Variants in SIK3 observed in about 807,000 individuals in gnomAD.
The protein encoded by SIK3 is SIK family kinase 3.
SIK3 carries 28 observed loss-of-function variants against 144.2 expected under a neutral mutation model. The observed-to-expected ratio is 0.19, with a 90% confidence interval of 0.14 to 0.27. SIK3 has a LOEUF of 0.27. Among genes scored for constraint, SIK3 ranks in the 10% least tolerant of loss-of-function variants. The pLI is 1.00. For missense variants in SIK3, 1,319 were observed against 1,776.0 expected (o/e 0.74, Z 4.62); for synonymous variants, 686 against 676.3 (o/e 1.01, Z -0.22).
intron 1 of SIK3, among the ~76,000 whole-genome samples, chr11:116,977,484 G>A (rs1035946806): frequency 1.3e-5 from 2 of 152,118 alleles, no homozygotes; most frequent in Admixed American, 6.5e-5. Flanking sequence ...AAAAGACGAA[G>A]AAATCTAGGG....
rs2135438395 is a variant in SIK3 at position 116,965,737 on chromosome 11, ATATATAT to A, written c.274-8680_274-8674del. On this transcript the variant is annotated intron_variant, in intron 1 of 24. Transcript: ENST00000445177. ...GGTGAAAACCCGTCTCTGCTAAAATATATATATATATATATATATATATATATATATA... is the reference window on the plus strand; with the variant it reads ...GGTGAAAACCCGTCTCTGCTAAAATAATATATATATATATATATATATATA... Among the ~76,000 whole-genome samples the A allele has an allele frequency of 3.1e-3, 8 of 2,568 alleles. No individual in the cohort carries two copies. In the South Asian group the frequency reaches 0.078, roughly 25 times the overall value. The allele number at this position is 2,568 out of a possible 152,430, so 1.7% of individuals were successfully genotyped here. A position where few individuals can be genotyped will look rare whatever the true frequency, so the allele number is the denominator to read the frequency against.
intron 6 of SIK3, 56 bp downstream of exon 6, chr11:116,896,197 G>C: frequency 6.3e-7 from 1 of 1,596,612 alleles, no homozygotes; most frequent in Non-Finnish European, 8.6e-7. Context: ...TGGGATAACT[G>C]AGTGGGTCTA....
intron 1 of SIK3, among the ~76,000 whole-genome samples, chr11:116,972,721 T>A (rs1320194537): frequency 2.0e-5 from 3 of 151,780 alleles, no homozygotes; most frequent in Non-Finnish European, 1.5e-5. Flanking sequence ...CAAAAAAAAT[T>A]AAAAATAAAA....
intron 1 of SIK3, among the ~76,000 whole-genome samples, chr11:116,975,316 C>T (rs1399416813): frequency 2.6e-5 from 4 of 151,460 alleles, no homozygotes; most frequent in South Asian, 2.1e-4. Flanking sequence ...ATTTTTGTTC[C>T]GACTGAAAAA....
intron 1 of SIK3, among the ~76,000 whole-genome samples, chr11:117,089,535 A>G (rs777438249): frequency 1.3e-5 from 2 of 152,046 alleles, no homozygotes; most frequent in Non-Finnish European, 2.9e-5. Flanking sequence ...TCTATTTCTG[A>G]TAATTTTGCA....
intron 1 of SIK3, among the ~76,000 whole-genome samples, chr11:117,088,752 C>T (rs984272798): frequency 3.9e-5 from 6 of 152,170 alleles, no homozygotes; most frequent in African/African-American, 1.4e-4. Context: ...TCATAGCTCA[C>T]AGAAACCTTG....
At chr11:116,934,674 C>T (rs959014655) in intron 3 of SIK3, among the ~76,000 whole-genome samples, 5 of 152,182 alleles carry the variant, frequency 3.3e-5, no homozygotes, top group Admixed American at 3.3e-4. Flanking sequence ...ATGATGGATA[C>T]TTAATAATTA....
chr11:116,985,331 CAAAA>C (rs1420837615), intron 1 of SIK3, among the ~76,000 whole-genome samples: 1 of 151,922 alleles, frequency 6.6e-6, no homozygotes, highest in Non-Finnish European at 1.5e-5. Context: ...GTCAAAAAAA[CAAAA>C]AAAGTTACAT....
chr11:116,882,384 A>G (rs1442627370), intron 6 of SIK3, among the ~76,000 whole-genome samples: 1 of 152,230 alleles, frequency 6.6e-6, no homozygotes, highest in Non-Finnish European at 1.5e-5. Flanking sequence ...TCCCGAATCA[A>G]GGATCAAAGA....
chr11:116,904,648 A>G (rs143236825), intron 4 of SIK3: 1 of 152,316 alleles, frequency 6.6e-6, no homozygotes, highest in East Asian at 1.9e-4. Context: ...AATACGAAAT[A>G]TATTACTTCA....
intron 4 of SIK3, among the ~76,000 whole-genome samples, chr11:116,920,037 G>A (rs1946872681): frequency 2.0e-5 from 3 of 151,748 alleles, no homozygotes. Context: ...ATACTGAATT[G>A]GATTAATTAA....
rs376573885 is a variant in SIK3 at position 116,858,084 on chromosome 11, C to G, written c.3381G>C (p.Pro1127=). 6 of 1,613,558 alleles carry G rather than the reference C, an allele frequency of 3.7e-6. No individual in the cohort carries two copies. The African/African-American group carries it at 8.0e-5, about 22-fold the overall frequency. ...ECVSQASSPT[P]PHGYAHQPAL... Reference sequence around the variant, plus strand: ...CCGGCTGGTGAGCATACCCGTGGGGCGGGGTGGGTGAGGAAGCCTGTGAGA... The same window carrying G: ...CCGGCTGGTGAGCATACCCGTGGGGGGGGGTGGGTGAGGAAGCCTGTGAGA... Residue 1127 remains proline, a synonymous_variant, in exon 21 of 25, where the codon CCG becomes CCC. Coordinates refer to ENST00000445177, the MANE Select transcript of SIK3 (RefSeq NM_001366686.3). The surrounding 1 kb of genome is among the most constrained non-coding windows in gnomAD (Gnocchi z 5.4).
At chr11:117,066,932 T>C (rs539042307) in intron 1 of SIK3, among the ~76,000 whole-genome samples, 15 of 152,290 alleles carry the variant, frequency 9.8e-5, no homozygotes, top group African/African-American at 3.6e-4. Context: ...ATACTCAATA[T>C]CATTAGTCAT....
intron 1 of SIK3, among the ~76,000 whole-genome samples, chr11:117,072,595 T>C (rs972707458): frequency 2.0e-5 from 3 of 152,128 alleles, no homozygotes; most frequent in African/African-American, 7.2e-5. Context: ...CTAATACATA[T>C]GAAAGATTTT....
intron 1 of SIK3, among the ~76,000 whole-genome samples, chr11:116,983,483 T>C (rs1472579812): frequency 6.6e-6 from 1 of 152,080 alleles, no homozygotes; most frequent in Non-Finnish European, 1.5e-5. Flanking sequence ...TGAGCCGAGA[T>C]TGTGCCACTG....
At chr11:116,998,170 A>T (rs977501371) in intron 1 of SIK3, among the ~76,000 whole-genome samples, 2 of 152,060 alleles carry the variant, frequency 1.3e-5, no homozygotes, top group African/African-American at 4.8e-5. Context: ...TAATTTAAAA[A>T]AAAAAAAAAG....
At chr11:116,954,755 TCAAA>T (rs1949077640) in intron 2 of SIK3, among the ~76,000 whole-genome samples, 1 of 152,124 alleles carries the variant, frequency 6.6e-6, no homozygotes, top group Non-Finnish European at 1.5e-5. Flanking sequence ...ACATTTTCCA[TCAAA>T]CATTTTTAAA....
At chr11:117,071,830 T>A (rs1954294903) in intron 1 of SIK3, among the ~76,000 whole-genome samples, 1 of 149,792 alleles carries the variant, frequency 6.7e-6, no homozygotes, top group African/African-American at 2.5e-5. Flanking sequence ...TCTCCCTATG[T>A]TGACCAGGCT....
chr11:117,058,724 T>C (rs978828097), intron 1 of SIK3, among the ~76,000 whole-genome samples: 2 of 151,948 alleles, frequency 1.3e-5, no homozygotes, highest in Admixed American at 6.6e-5. Flanking sequence ...AGAAATGAAA[T>C]CAACTCCAAA....
Sources: gnomAD v4.1 joint callset for allele counts (sites outside exome capture counted in the v4.1 genomes callset) on GRCh38, gnomAD v4.1.1 for gene constraint, Gnocchi (gnomAD v3.1) non-coding constraint, MANE v1.5 for transcripts, NCBI Gene and HGNC (gene_info 2026-07-23, HGNC 2026-07-21) for gene names.